RYR1: variants seen among roughly 807,000 people sequenced by gnomAD.
RYR1 encodes ryanodine receptor 1, also known as central core disease of muscle.
A neutral mutation model predicts 583.5 loss-of-function variants in RYR1; 342 were observed. That is an observed-to-expected ratio of 0.59 (90% CI 0.54 to 0.64). The LOEUF (loss-of-function observed/expected upper bound fraction) is 0.64. Ranked by LOEUF, RYR1 falls within the 30% of genes least tolerant of loss-of-function variation. The pLI, the probability that RYR1 is intolerant of heterozygous loss-of-function variation, is 0.00. For missense variants in RYR1, 6,032 were observed against 6,917.2 expected (o/e 0.87, Z 4.54); for synonymous variants, 2,791 against 2,822.5 (o/e 0.99, Z 0.35).
Position 38,587,399 on chromosome 19 carries a change from G to A in RYR1, c.15096G>A (p.Gln5032=), listed in dbSNP as rs1375647353. 6.2e-7 allele frequency: 1 copy of A among 1,613,990 alleles called. No individual in the cohort carries two copies. The highest frequency in any genetic ancestry group is 1.7e-5 in the Admixed American group (1 of 59,978). ...FFPAGDCFRK[Q]YEDQLS ...CAGCTGGTGATTGTTTCCGTAAGCA[G>A]TATGAGGACCAGCTTAGCTGACACA... The change falls in exon 106 of 106, where the codon CAG becomes CAA. Residue 5032 remains glutamine, a synonymous_variant. Transcript: ENST00000359596.
intron 1 of RYR1, among the ~76,000 whole-genome samples, chr19:38,439,111 A>T (rs1043330884): frequency 6.6e-6 from 1 of 152,192 alleles, no homozygotes; most frequent in Non-Finnish European, 1.5e-5. Flanking sequence ...AAAGTCTGTT[A>T]AATGAGTGTA....
At chr19:38,481,791 A>T (rs963474222) in intron 31 of RYR1, among the ~76,000 whole-genome samples, 1 of 151,814 alleles carries the variant, frequency 6.6e-6, no homozygotes, top group Non-Finnish European at 1.5e-5. Flanking sequence ...GCTTCTTTTT[A>T]AAAAAGTTAA....
At chr19:38,524,430 C>T (rs1357389310) in intron 70 of RYR1, among the ~76,000 whole-genome samples, 1 of 152,104 alleles carries the variant, frequency 6.6e-6, no homozygotes, top group Non-Finnish European at 1.5e-5. Context: ...TGAGGGCATC[C>T]AGCCAGCAGC....
At chr19:38,578,585 C>T (rs542678970) in intron 99 of RYR1, among the ~76,000 whole-genome samples, 61 of 152,284 alleles carry the variant, frequency 4.0e-4, no homozygotes, top group South Asian at 1.2e-3. Flanking sequence ...GTAGTCCCAG[C>T]ACTTTGGGAG....
At position 38,580,092 on chromosome 19, in the gene RYR1, C is replaced by T. The variant is rs771061423; in HGVS notation, c.14475C>T (p.Arg4825=). Residue 4825 remains arginine, a synonymous_variant, in exon 100 of 106, where the codon CGC becomes CGT. Coordinates refer to ENST00000359596, the MANE Select transcript of RYR1 (RefSeq NM_000540.3). ...TCGCCATGGGGGTCAAGACGCTGCG[C>T]ACCATCCTGTCCTCTGTCACCCACA... The part of the protein sequence containing the change: ...LDIAMGVKTL[R]TILSSVTHNG... 5 of 1,614,212 alleles carry T rather than the reference C, an allele frequency of 3.1e-6. No individual in the cohort carries two copies. The South Asian group carries it at 4.4e-5, about 14-fold the overall frequency.
At chr19:38,534,543 G>A (rs147933610) in intron 78 of RYR1, among the ~76,000 whole-genome samples, 177 bp from the exon 79 acceptor site, 6 of 152,190 alleles carry the variant, frequency 3.9e-5, no homozygotes, top group African/African-American at 9.6e-5. Context: ...GCCTAGCCCC[G>A]TGCTAGGTAC....
At position 38,519,315 on chromosome 19, in the gene RYR1, TCCG is replaced by T; in HGVS notation, c.10121_10123del (p.Ser3374_Glu3375delinsTer). Reference sequence around the variant, plus strand: ...GCGCAAGAGGGCAGGGAAGGTGGTGTCCGAGGAGGAGCAGCTGCGCCTGGAGGC... The same window carrying T: ...GCGCAAGAGGGCAGGGAAGGTGGTGTAGGAGGAGCAGCTGCGCCTGGAGGC... On this transcript the variant is annotated stop_gained and inframe_deletion, in exon 67 of 106. Transcript: ENST00000359596. LOFTEE classifies it high-confidence loss of function. The T allele has an allele frequency of 6.2e-7, 1 of 1,613,906 alleles. No individual in the cohort carries two copies.
At position 38,565,887 on chromosome 19, in the gene RYR1, C is replaced by G; in HGVS notation, c.13437+116C>G. ...AGAGAACTGGCTAGGGGGATGGGCA[C>G]ACGCACCCACGGAGGACGCACCCAT... On this transcript the variant is annotated intron_variant, in intron 91 of 105. Coordinates refer to ENST00000359596, the MANE Select transcript of RYR1 (RefSeq NM_000540.3). The surrounding 1 kb of genome is among the most constrained non-coding windows in gnomAD (Gnocchi z 4.7). 1 of 1,177,616 alleles carries G rather than the reference C, an allele frequency of 8.5e-7. No homozygotes were observed. The highest frequency in any genetic ancestry group is 1.6e-5 in the African/African-American group (1 of 62,266). 72.9% of individuals were successfully genotyped at this position (1,177,616 alleles called of 1,614,324 possible). A position where few individuals can be genotyped will look rare whatever the true frequency, so the allele number is the denominator to read the frequency against.
At position 38,561,327 on chromosome 19, in the gene RYR1, C is replaced by A; in HGVS notation, c.12497C>A (p.Ala4166Asp). Residue 4166 changes from alanine to aspartate, a missense_variant, in exon 90 of 106, where the codon GCC (alanine) becomes GAC (aspartate). By Grantham distance (126) the Ala-to-Asp change is moderately radical. This residue lies in a region of RYR1 where 753 missense variants were observed against 759.6 expected (regional missense o/e 0.99). Coordinates refer to ENST00000359596, the MANE Select transcript of RYR1 (RefSeq NM_000540.3). The surrounding 1 kb of genome is among the most constrained non-coding windows in gnomAD (Gnocchi z 4.8). ...CGCCTGCACAACTTCCTGGAGCTGG[C>A]CGAGAGCATCCTTGAGTACTTCCGC... ...DPRLHNFLEL[A>D]ESILEYFRPY... 1 of 1,613,988 alleles carries A rather than the reference C, an allele frequency of 6.2e-7. No homozygotes were observed. Among genetic ancestry groups the A allele is most frequent in the Non-Finnish European group, 8.5e-7 (1 of 1,180,032 alleles).
chr19:38,444,820 C>T lies in RYR1; in HGVS notation c.631+143C>T. ...AATTATGGCTCTCACACTTAGATCT[C>T]CAGCTGACCCCAAATCCAGACCCCC... On this transcript the variant is annotated intron_variant, in intron 7 of 105. Coordinates refer to ENST00000359596, the MANE Select transcript of RYR1 (RefSeq NM_000540.3). This position sits in a 1 kb window ranked among gnomAD's most constrained non-coding sequence, Gnocchi z 5.1. The T allele has an allele frequency of 1.5e-6, 1 of 657,024 alleles. No homozygotes were observed. Among genetic ancestry groups the T allele is most frequent in the South Asian group, 1.7e-5 (1 of 57,356 alleles). The allele number at this position is 657,024 out of a possible 1,614,324, so 40.7% of individuals were successfully genotyped here. A position where few individuals can be genotyped will look rare whatever the true frequency, so the allele number is the denominator to read the frequency against.
At position 38,444,220 on chromosome 19, in the gene RYR1, GA is replaced by G; in HGVS notation, c.497del (p.Asp166ValfsTer36). ...RSEGEKVRVG[D>X]DIILVSVSSE... ...TGAAGGAGAAAAGGTCCGCGTTGGGGATGACATCATCCTTGTCAGTGTCTCC... is the reference window on the plus strand; with the variant it reads ...TGAAGGAGAAAAGGTCCGCGTTGGGGTGACATCATCCTTGTCAGTGTCTCC... On this transcript the variant is annotated frameshift_variant, in exon 6 of 106. Transcript: ENST00000359596. LOFTEE classifies it high-confidence loss of function. This position sits in a 1 kb window ranked among gnomAD's most constrained non-coding sequence, Gnocchi z 5.1. 1 of 1,614,094 alleles carries G rather than the reference GA, an allele frequency of 6.2e-7. No individual in the cohort carries two copies. Among genetic ancestry groups the G allele is most frequent in the East Asian group, 2.2e-5 (1 of 44,862 alleles).
rs1276491015 is a variant in RYR1, at chr19:38,500,154, G to A, written c.7323+138G>A. ...GACTAGCAATGTTGGGGACACAACAGTGACCAAGACAGCCCCAGGGCCTGG... is the reference window on the plus strand; with the variant it reads ...GACTAGCAATGTTGGGGACACAACAATGACCAAGACAGCCCCAGGGCCTGG... On this transcript the variant is annotated intron_variant, in intron 45 of 105. Coordinates refer to ENST00000359596, the MANE Select transcript of RYR1 (RefSeq NM_000540.3). This position sits in a 1 kb window ranked among gnomAD's most constrained non-coding sequence, Gnocchi z 5.9. 3 of 801,850 alleles carry A rather than the reference G, an allele frequency of 3.7e-6. No homozygotes were observed. Among genetic ancestry groups the A allele is most frequent in the African/African-American group, 1.7e-5 (1 of 58,990 alleles). The allele number at this position is 801,850 out of a possible 1,614,324, so 49.7% of individuals were successfully genotyped here.
intron 1 of RYR1, among the ~76,000 whole-genome samples, chr19:38,437,114 A>C (rs1180703828): frequency 6.6e-6 from 1 of 151,518 alleles, no homozygotes; most frequent in Admixed American, 6.6e-5. Context: ...GCAATGGCAC[A>C]ATCTCGGCTC....
chr19:38,524,160 C>G, intron 70 of RYR1, among the ~76,000 whole-genome samples: 1 of 122,558 alleles, frequency 8.2e-6, no homozygotes, highest in Non-Finnish European at 1.7e-5. Context: ...TTCTTCTTTC[C>G]TTTTTTTTTT....
In RYR1 at chr19:38,561,410, T is replaced by C. The variant is rs1568576386; in HGVS notation, c.12580T>C (p.Phe4194Leu). 6.2e-7 allele frequency: 1 copy of C among 1,612,550 alleles called. No individual in the cohort carries two copies. The highest frequency in any genetic ancestry group is 2.2e-5 in the East Asian group (1 of 44,876). Residue 4194 changes from phenylalanine (F) to leucine (L), a missense_variant, in exon 90 of 106, where the codon TTC (phenylalanine) becomes CTC (leucine). Physicochemically the swap from Phe to Leu is conservative, Grantham distance 22. Transcript: ENST00000359596. The surrounding 1 kb of genome is among the most constrained non-coding windows in gnomAD (Gnocchi z 4.8). ...GASRRIERIY[F>L]EISETNRAQW... ...GTCACGCCGCATCGAGCGCATCTACTTCGAGATCTCAGAGACCAACCGCGC... is the reference window on the plus strand; with the variant it reads ...GTCACGCCGCATCGAGCGCATCTACCTCGAGATCTCAGAGACCAACCGCGC...
chr19:38,456,411 A>G (rs1600678806), intron 16 of RYR1, among the ~76,000 whole-genome samples: 1 of 149,582 alleles, frequency 6.7e-6, no homozygotes, highest in East Asian at 2.0e-4. Context: ...CCTCCTGAGT[A>G]GCTGGGATTA....
chr19:38,578,326 G>T, intron 99 of RYR1, 122 bp downstream of exon 99: 1 of 932,304 alleles, frequency 1.1e-6, no homozygotes, highest in Non-Finnish European at 1.7e-6. Flanking sequence ...TGTGACCCTA[G>T]GGTATCTTCT....
chr19:38,513,224 C>G (rs1224324648), intron 63 of RYR1, among the ~76,000 whole-genome samples: 2 of 152,134 alleles, frequency 1.3e-5, no homozygotes, highest in Non-Finnish European at 2.9e-5. Flanking sequence ...ATAATCCTAG[C>G]TACCTGGGAG....
intron 20 of RYR1, among the ~76,000 whole-genome samples, chr19:38,461,516 C>T (rs991289318): frequency 1.3e-5 from 2 of 151,832 alleles, no homozygotes; most frequent in Non-Finnish European, 2.9e-5. Context: ...TTGCTTGAGT[C>T]CACGAGTTTG....
Sources: allele counts gnomAD v4.1 joint callset (sites outside exome capture counted in the v4.1 genomes callset), GRCh38; gene constraint gnomAD v4.1.1; regional missense constraint gnomAD v4.1.1; non-coding constraint Gnocchi (gnomAD v3.1); transcripts MANE v1.5; gene names NCBI Gene and HGNC (gene_info 2026-07-23, HGNC 2026-07-21).